Variants in KMT2C observed in about 807,000 individuals in gnomAD.
KMT2C encodes histone-lysine N-methyltransferase 2C.
In KMT2C, 88 loss-of-function variants were observed where a neutral mutation model predicts 507.9. The observed-to-expected ratio is 0.17, with a 90% confidence interval of 0.15 to 0.21. The LOEUF (loss-of-function observed/expected upper bound fraction) is 0.21. Ranked by LOEUF, KMT2C falls within the 10% of genes least tolerant of loss-of-function variation. The probability of loss-of-function intolerance (pLI) is 1.00; values close to 1 mark genes in which losing one functional copy is unlikely to be tolerated. For missense variants in KMT2C, 4,954 were observed against 5,957.8 expected, an observed-to-expected ratio of 0.83 and a Z score of 5.55; for synonymous variants, 2,049 against 2,080.8, an observed-to-expected ratio of 0.98 and a Z score of 0.42.
At chr7:152,306,241 G>A (rs1396352339) in intron 6 of KMT2C, among the ~76,000 whole-genome samples, 2 of 152,078 alleles carry the variant, frequency 1.3e-5, no homozygotes, top group Admixed American at 6.5e-5. Context: ...CTGCATCTGG[G>A]TAGGTGGTAA....
intron 1 of KMT2C, among the ~76,000 whole-genome samples, chr7:152,391,536 G>A: frequency 7.0e-6 from 1 of 143,032 alleles, no homozygotes; most frequent in African/African-American, 2.7e-5. Flanking sequence ...GCCACTGCAT[G>A]CCCGGCCTTT....
intron 1 of KMT2C, among the ~76,000 whole-genome samples, chr7:152,435,108 G>A (rs1286800220): frequency 6.6e-6 from 1 of 152,124 alleles, no homozygotes. Context: ...CCAGGAGCAA[G>A]TCGCTGACAA....
intron 1 of KMT2C, among the ~76,000 whole-genome samples, chr7:152,424,480 T>C (rs1477633052): frequency 1.3e-5 from 2 of 152,086 alleles, no homozygotes; most frequent in Non-Finnish European, 2.9e-5. Context: ...TTGAGTGCAA[T>C]GGCAAGATAA....
intron 1 of KMT2C, among the ~76,000 whole-genome samples, chr7:152,375,007 C>T (rs1185556660): frequency 2.0e-5 from 3 of 152,200 alleles, no homozygotes; most frequent in East Asian, 1.9e-4. Flanking sequence ...ATTTTGCTTA[C>T]AGACATACCT....
chr7:152,288,229 TAAAAAA>T (rs36047379), intron 6 of KMT2C, among the ~76,000 whole-genome samples: 5 of 121,144 alleles, frequency 4.1e-5, no homozygotes, highest in Admixed American at 2.5e-4. Flanking sequence ...TGAACTGATT[TAAAAAA>T]AAAAAAAAAA....
chr7:152,231,552 G>A (rs1219267718), intron 16 of KMT2C, among the ~76,000 whole-genome samples: 1 of 152,244 alleles, frequency 6.6e-6, no homozygotes, highest in African/African-American at 2.4e-5. Flanking sequence ...AGGCTAAAGT[G>A]GGTGGATCGC....
At chr7:152,339,798 CTTAA>C (rs766667730) in intron 2 of KMT2C, among the ~76,000 whole-genome samples, 3 of 151,888 alleles carry the variant, frequency 2.0e-5, no homozygotes, top group East Asian at 1.9e-4. Context: ...TCGATAGTTG[CTTAA>C]TTAATATTAT....
intron 7 of KMT2C, among the ~76,000 whole-genome samples, chr7:152,266,944 T>C (rs931249881): frequency 6.6e-6 from 1 of 150,424 alleles, no homozygotes; most frequent in African/African-American, 2.5e-5. Flanking sequence ...ATTGTTACTT[T>C]TTAGTCTTTG....
chr7:152,354,544 G>A (rs899985149), intron 2 of KMT2C, among the ~76,000 whole-genome samples: 3 of 152,248 alleles, frequency 2.0e-5, no homozygotes, highest in East Asian at 3.9e-4. Flanking sequence ...AAATAAAGCA[G>A]GAGAAGACAA....
chr7:152,292,142 A>G (rs2096437097), intron 6 of KMT2C, among the ~76,000 whole-genome samples: 1 of 152,160 alleles, frequency 6.6e-6, no homozygotes, highest in Non-Finnish European at 1.5e-5. Context: ...TAGCACAGCC[A>G]TAGTCTTCTA....
intron 3 of KMT2C, among the ~76,000 whole-genome samples, chr7:152,329,665 G>C (rs955686200): frequency 2.0e-5 from 3 of 150,590 alleles, no homozygotes; most frequent in Non-Finnish European, 4.4e-5. Flanking sequence ...AAGGGATGGA[G>C]GGGAAGGAGG....
chr7:152,297,031 AAG>A (rs1406276203), intron 6 of KMT2C, among the ~76,000 whole-genome samples: 1 of 97,430 alleles, frequency 1.0e-5, no homozygotes, highest in Non-Finnish European at 2.0e-5. Flanking sequence ...GAAAGAAAGA[AAG>A]AAAGAAAGAA....
At chr7:152,395,385 T>A (rs550193899) in intron 1 of KMT2C, among the ~76,000 whole-genome samples, 1 of 152,014 alleles carries the variant, frequency 6.6e-6, no homozygotes, top group Non-Finnish European at 1.5e-5. Context: ...AGTGTCTCAC[T>A]ATGTTGCCCA....
rs2090885995 is a variant in KMT2C, at chr7:152,144,237, A to C, written c.14343+476T>G. On this transcript the variant is annotated intron_variant, in intron 55 of 58. Transcript: ENST00000262189. The surrounding 1 kb of genome is among the most constrained non-coding windows in gnomAD (Gnocchi z 4.4). ...AGTATGGACTATAGGTGTAAACTTA[A>C]ATGCTTAGCCTATACACGGCCTTAC... Among the ~76,000 whole-genome samples, 1 of 152,206 alleles carries C rather than the reference A, an allele frequency of 6.6e-6. No individual in the cohort carries two copies. The highest frequency in any genetic ancestry group is 1.5e-5 in the Non-Finnish European group (1 of 68,042).
intron 42 of KMT2C, among the ~76,000 whole-genome samples, chr7:152,165,249 T>C (rs555958736): frequency 1.0e-3 from 152 of 152,346 alleles, no homozygotes; most frequent in Non-Finnish European, 1.9e-3. Flanking sequence ...TTTTAAAACA[T>C]TACCATCAAC....
At chr7:152,361,569 A>C (rs1432539124) in intron 1 of KMT2C, among the ~76,000 whole-genome samples, 1 of 152,192 alleles carries the variant, frequency 6.6e-6, no homozygotes, top group Non-Finnish European at 1.5e-5. Context: ...GTCTCAAAAA[A>C]AAAGAATTTA....
At chr7:152,282,492 A>G (rs1372585134) in intron 6 of KMT2C, among the ~76,000 whole-genome samples, 1 of 152,246 alleles carries the variant, frequency 6.6e-6, no homozygotes, top group Non-Finnish European at 1.5e-5. Context: ...ACAGAATACT[A>G]TACATCAATG....
At chr7:152,222,548 C>T (rs2094808254) in intron 21 of KMT2C, 25 bp downstream of exon 21, 2 of 1,252,428 alleles carry the variant, frequency 1.6e-6, no homozygotes, top group East Asian at 4.7e-5. Flanking sequence ...AGAGTGCAGA[C>T]TCACAGTTTA....
intron 22 of KMT2C, among the ~76,000 whole-genome samples, chr7:152,221,596 T>C (rs904910428): frequency 1.3e-5 from 2 of 152,226 alleles, no homozygotes; most frequent in Admixed American, 1.3e-4. Flanking sequence ...AAAGAATGAC[T>C]GTTTAATAAG....
Sources: gnomAD v4.1 joint callset for allele counts (sites outside exome capture counted in the v4.1 genomes callset) on GRCh38, gnomAD v4.1.1 for gene constraint, Gnocchi (gnomAD v3.1) non-coding constraint, MANE v1.5 for transcripts, NCBI Gene and HGNC (gene_info 2026-07-23, HGNC 2026-07-21) for gene names.